Variants in ZMYND11 observed in about 807,000 individuals in gnomAD.
ZMYND11 encodes zinc finger MYND domain-containing protein 11.
ZMYND11 carries 9 observed loss-of-function variants against 84.9 expected under a neutral mutation model. The observed-to-expected ratio is 0.11, with a 90% confidence interval of 0.06 to 0.18. The LOEUF (loss-of-function observed/expected upper bound fraction) is 0.18, where lower values mean the gene tolerates loss of function less well. ZMYND11 is among the 10% of genes least tolerant of loss of function. The probability of loss-of-function intolerance (pLI) is 1.00; values close to 1 mark genes in which losing one functional copy is unlikely to be tolerated. For missense variants in ZMYND11, 409 were observed against 761.0 expected (o/e 0.54, Z 5.44); for synonymous variants, 250 against 244.1 (o/e 1.02, Z -0.23).
intron 1 of ZMYND11, among the ~76,000 whole-genome samples, chr10:166,950 T>C (rs959930218): frequency 3.9e-5 from 6 of 152,234 alleles, no homozygotes; most frequent in Non-Finnish European, 8.8e-5. Flanking sequence ...TGCAACAAAA[T>C]GGATGAACCT....
chr10:176,037 T>G (rs529346823), intron 1 of ZMYND11, among the ~76,000 whole-genome samples: 44 of 152,214 alleles, frequency 2.9e-4, no homozygotes, highest in Admixed American at 6.5e-4. Flanking sequence ...TTCACAAATA[T>G]GTATATATCA....
chr10:240,991 A>T, intron 9 of ZMYND11, 21 bp downstream of exon 9: 2 of 1,589,280 alleles, frequency 1.3e-6, no homozygotes, highest in Non-Finnish European at 1.7e-6. Context: ...TTTTTACCTC[A>T]AGTGTGTAAC....
intron 4 of ZMYND11, among the ~76,000 whole-genome samples, chr10:222,055 T>A (rs559989779): frequency 6.2e-4 from 94 of 152,324 alleles, no homozygotes; most frequent in African/African-American, 2.2e-3. Context: ...GCATCGATGG[T>A]AATAAGGAAT....
intron 1 of ZMYND11, among the ~76,000 whole-genome samples, chr10:173,148 C>A (rs1845760393): frequency 6.6e-6 from 1 of 151,992 alleles, no homozygotes; most frequent in Admixed American, 6.6e-5. Context: ...AACTCTTAGG[C>A]AATAGCATAG....
intron 1 of ZMYND11, among the ~76,000 whole-genome samples, chr10:157,597 A>AGGG (rs1443282627): frequency 6.6e-6 from 1 of 152,166 alleles, no homozygotes; most frequent in African/African-American, 2.4e-5. Context: ...GAGGAAAGGA[A>AGGG]GGGGCAACAT....
chr10:251,554 TGTTGTCAA>T (rs1258956511), intron 14 of ZMYND11, among the ~76,000 whole-genome samples: 1 of 152,206 alleles, frequency 6.6e-6, no homozygotes, highest in Non-Finnish European at 1.5e-5. Flanking sequence ...TATACTGACC[TGTTGTCAA>T]GTGTTTGTTT....
At chr10:201,585 T>TACACACACACACACACAGACAC (rs1943152966) in intron 2 of ZMYND11, among the ~76,000 whole-genome samples, 2 of 146,064 alleles carry the variant, frequency 1.4e-5, no homozygotes, top group South Asian at 2.2e-4. Context: ...TACCATGAAA[T>TACACACACACACACACAGACAC]ACACACACAC....
rs1490664810 is a variant in ZMYND11 at position 135,899 on chromosome 10, G to C, written c.-20+340G>C. 4.0e-5 allele frequency among the ~76,000 whole-genome samples: 6 copies of C among 151,412 alleles called. No individual in the cohort carries two copies. The highest frequency in any genetic ancestry group is 7.4e-5 in the Non-Finnish European group (5 of 67,766). ...TCGGGCCGGGAAGCCGCGGAGTCGC[G>C]TGAGCACCGCCCGCCGGGCCCTGTG... On this transcript the variant is annotated intron_variant, in intron 1 of 14. Coordinates refer to ENST00000381604, the MANE Select transcript of ZMYND11 (RefSeq NM_001370100.5). This position sits in a 1 kb window ranked among gnomAD's most constrained non-coding sequence, Gnocchi z 5.6.
At chr10:150,693 C>G (rs970626063) in intron 1 of ZMYND11, among the ~76,000 whole-genome samples, 3 of 152,214 alleles carry the variant, frequency 2.0e-5, no homozygotes, top group African/African-American at 7.2e-5. Context: ...ACAGAAACGT[C>G]TGCACACTTA....
At chr10:149,070 A>C (rs1226532357) in intron 1 of ZMYND11, among the ~76,000 whole-genome samples, 3 of 151,978 alleles carry the variant, frequency 2.0e-5, no homozygotes, top group Admixed American at 1.3e-4. Flanking sequence ...AACATTGTAA[A>C]TAATAGGGAG....
rs1554793377 is a variant in ZMYND11 at position 248,471 on chromosome 10, A to G, written c.1363A>G (p.Thr455Ala). Residue 455 changes from threonine to alanine, a missense_variant, in exon 13 of 15, where the codon ACC becomes GCC. Coordinates refer to ENST00000381604, the MANE Select transcript of ZMYND11 (RefSeq NM_001370100.5). ...ASSPRMLHRSTQTTNDGVCQS... is the reference protein window; with the variant it reads ...ASSPRMLHRSAQTTNDGVCQS... The stretch of plus-strand genomic sequence containing the variant: ...TTCACCAAGAATGCTGCATCGGAGC[A>G]CCCAGACCACAAACGACGGCGTGTG... The G allele has an allele frequency of 1.2e-6, 2 of 1,614,218 alleles. No individual in the cohort carries two copies. The highest frequency in any genetic ancestry group is 1.3e-5 in the African/African-American group (1 of 75,056).
intron 2 of ZMYND11, among the ~76,000 whole-genome samples, chr10:193,874 A>G (rs929318029): frequency 3.3e-5 from 5 of 152,106 alleles, no homozygotes; most frequent in Non-Finnish European, 7.4e-5. Flanking sequence ...TTTGTGATTC[A>G]TTTGCTATGT....
intron 10 of ZMYND11, among the ~76,000 whole-genome samples, chr10:246,413 T>C (rs1165503969): frequency 2.0e-5 from 3 of 152,236 alleles, no homozygotes; most frequent in Non-Finnish European, 2.9e-5. Context: ...AAAGGACTTA[T>C]GAAGAATACA....
At position 254,030 on chromosome 10, in the gene ZMYND11, A is replaced by G. The variant is rs1402727479; in HGVS notation, c.*1560A>G. On this transcript the variant is annotated 3_prime_UTR_variant, in exon 15 of 15. Coordinates refer to ENST00000381604, the MANE Select transcript of ZMYND11 (RefSeq NM_001370100.5). ...GTACCCAGTAGCCCCATTTCATACA[A>G]TGTACCTAAATTATGCAGTAACTTG... 5 of 152,396 alleles carry G rather than the reference A, an allele frequency of 3.3e-5. No homozygotes were observed. Among genetic ancestry groups the G allele is most frequent in the Non-Finnish European group, 5.9e-5 (4 of 68,050 alleles). The allele number at this position is 152,396 out of a possible 1,614,324, so 9.4% of individuals were successfully genotyped here.
chr10:195,301 A>T (rs1276059755), intron 2 of ZMYND11, among the ~76,000 whole-genome samples: 1 of 152,242 alleles, frequency 6.6e-6, no homozygotes, highest in Non-Finnish European at 1.5e-5. Context: ...TCTCAAGTGA[A>T]AGTTCTGAAA....
intron 1 of ZMYND11, among the ~76,000 whole-genome samples, chr10:137,350 G>A (rs1386925931): frequency 1.3e-5 from 2 of 152,090 alleles, no homozygotes; most frequent in African/African-American, 4.8e-5. Context: ...GGTTTTTAGG[G>A]AGGTCTAGAG....
intron 2 of ZMYND11, among the ~76,000 whole-genome samples, chr10:188,357 C>T (rs2130864689): frequency 6.6e-6 from 1 of 151,646 alleles, no homozygotes; most frequent in East Asian, 1.9e-4. Context: ...GAGGCTGAGG[C>T]AGGTGGATCG....
intron 1 of ZMYND11, among the ~76,000 whole-genome samples, chr10:154,211 A>T (rs1841128446): frequency 1.3e-5 from 2 of 152,192 alleles, no homozygotes; most frequent in African/African-American, 4.8e-5. Flanking sequence ...GATATATCAT[A>T]TTGTTGAATC....
intron 2 of ZMYND11, among the ~76,000 whole-genome samples, chr10:187,379 A>C (rs376426789): frequency 6.6e-6 from 1 of 152,244 alleles, no homozygotes; most frequent in East Asian, 1.9e-4. Flanking sequence ...TCACGCCTGT[A>C]ATCTCAGCAC....
Sources: allele counts gnomAD v4.1 joint callset (sites outside exome capture counted in the v4.1 genomes callset), GRCh38; gene constraint gnomAD v4.1.1; non-coding constraint Gnocchi (gnomAD v3.1); transcripts MANE v1.5; gene names NCBI Gene and HGNC (gene_info 2026-07-23, HGNC 2026-07-21).